Variants in BEST3 observed in about 807,000 individuals in gnomAD.
BEST3 encodes bestrophin 3.
Under a neutral mutation model 47.1 loss-of-function variants are expected in BEST3, and 50 were observed. That is an observed-to-expected ratio of 1.06 (90% CI 0.85 to 1.34). BEST3 has a LOEUF of 1.34. Among genes scored for constraint, BEST3 ranks in the 40% most tolerant of loss-of-function variants. The pLI, the probability that BEST3 is intolerant of heterozygous loss-of-function variation, is 0.00. For missense variants in BEST3, 765 were observed against 817.0 expected (o/e 0.94, Z 0.78); for synonymous variants, 282 against 298.8 (o/e 0.94, Z 0.58).
At chr12:69,697,939 C>A in intron 1 of BEST3, 126 bp from the exon 2 acceptor site, 1 of 712,360 alleles carries the variant, frequency 1.4e-6, no homozygotes. Flanking sequence ...TTTTGTCTTT[C>A]TTAGTTTCTA....
chr12:69,664,167 C>T (rs915428503), intron 9 of BEST3, among the ~76,000 whole-genome samples: 14 of 152,128 alleles, frequency 9.2e-5, no homozygotes, highest in Non-Finnish European at 2.1e-4. Flanking sequence ...TAACATGCCC[C>T]ATGCAAAGAT....
intron 1 of BEST3, among the ~76,000 whole-genome samples, chr12:69,698,055 T>TA (rs760439694): frequency 6.6e-6 from 1 of 152,220 alleles, no homozygotes; most frequent in Non-Finnish European, 1.5e-5. Context: ...CCTTAACTGT[T>TA]AAATATTATT....
intron 9 of BEST3, among the ~76,000 whole-genome samples, chr12:69,659,176 A>T (rs1883714925): frequency 2.0e-5 from 3 of 152,168 alleles, no homozygotes; most frequent in Admixed American, 2.0e-4. Context: ...ATGCTGTAAC[A>T]GAGCAGTAGG....
chr12:69,677,302 G>T, intron 5 of BEST3, 45 bp from the exon 6 acceptor site: 1 of 1,512,046 alleles, frequency 6.6e-7, no homozygotes, highest in Non-Finnish European at 9.1e-7. Flanking sequence ...GATGACGGGT[G>T]TGGTAATAAG....
At chr12:69,649,930 A>G (rs1211181244), downstream of BEST3, among the ~76,000 whole-genome samples, 1 of 152,244 alleles carries the variant, frequency 6.6e-6, no homozygotes, top group Non-Finnish European at 1.5e-5. Context: ...TGCTTCTGGC[A>G]AATGTCTAAA....
At chr12:69,657,554 C>T (rs1758225218) in intron 9 of BEST3, among the ~76,000 whole-genome samples, 1 of 152,174 alleles carries the variant, frequency 6.6e-6, no homozygotes, top group African/African-American at 2.4e-5. Context: ...TGAAGAACAA[C>T]TTAAAGCCTT....
At chr12:69,671,969 C>T (rs1312354558) in intron 8 of BEST3, among the ~76,000 whole-genome samples, 2 of 152,232 alleles carry the variant, frequency 1.3e-5, no homozygotes, top group Admixed American at 1.3e-4. Context: ...TTCCGCTTTT[C>T]ATTCTGTTAA....
chr12:69,693,194 A>G (rs928123149), intron 4 of BEST3, among the ~76,000 whole-genome samples: 2 of 150,984 alleles, frequency 1.3e-5, no homozygotes, highest in African/African-American at 4.9e-5. Context: ...ATAGTAGGTA[A>G]TCAATAAATG....
Position 69,655,573 on chromosome 12 carries a change from T to A in BEST3, c.1341A>T (p.Ser447=), listed in dbSNP as rs1194788024. The A allele has an allele frequency of 6.2e-7, 1 of 1,613,930 alleles. No individual in the cohort carries two copies. Among genetic ancestry groups the A allele is most frequent in the South Asian group, 1.1e-5 (1 of 91,044 alleles). ...GGAAGCAGGATTTCTTCCAGGTGGG[T>A]GAGGCCCTGGGGGGGTTTCTTGAGG... ...DVPSRNPPRA[S]PTWKKSCFPE... The change falls in exon 10 of 10, where the codon TCA becomes TCT. Residue 447 remains serine (S), a synonymous_variant. Transcript: ENST00000330891.
chr12:69,678,216 T>C (rs1384216757), intron 5 of BEST3, among the ~76,000 whole-genome samples: 1 of 122,546 alleles, frequency 8.2e-6, no homozygotes, highest in Non-Finnish European at 1.7e-5. Context: ...ATGGCACAAA[T>C]ATACCCAGCC....
In BEST3 at chr12:69,671,461, A is replaced by G; in HGVS notation, c.1067T>C (p.Ile356Thr). 1 of 1,614,082 alleles carries G rather than the reference A, an allele frequency of 6.2e-7. No homozygotes were observed. The highest frequency in any genetic ancestry group is 8.5e-7 in the Non-Finnish European group (1 of 1,179,988). The change falls in exon 9 of 10, where the codon ATA becomes ACA. Residue 356 changes from isoleucine to threonine, a missense_variant. By Grantham distance (89) the Ile-to-Thr change is moderately conservative. Transcript: ENST00000330891. ...PYTLAAADYCIPSFLGSTVQM... is the reference protein window; with the variant it reads ...PYTLAAADYCTPSFLGSTVQM... Reference sequence around the variant, plus strand: ...GACTGTTGACCCCAGAAATGAGGGTATGCAGTAGTCAGCAGCTGCCAATGT... The same window carrying G: ...GACTGTTGACCCCAGAAATGAGGGTGTGCAGTAGTCAGCAGCTGCCAATGT...
intron 4 of BEST3, among the ~76,000 whole-genome samples, chr12:69,686,926 C>A (rs768113264): frequency 1.3e-5 from 2 of 152,094 alleles, no homozygotes; most frequent in Non-Finnish European, 2.9e-5. Context: ...TGATTAACTG[C>A]CCAGCTGACT....
chr12:69,646,582 T>TCCACTGTA (rs1300990459), intron 9 of BEST3, among the ~76,000 whole-genome samples: 1 of 152,170 alleles, frequency 6.6e-6, no homozygotes, highest in Non-Finnish European at 1.5e-5. Context: ...ATGTCTCATT[T>TCCACTGTA]CCACTGTACC....
At chr12:69,675,294 A>AT (rs945063071) in intron 7 of BEST3, among the ~76,000 whole-genome samples, 16 of 150,682 alleles carry the variant, frequency 1.1e-4, no homozygotes, top group African/African-American at 1.5e-4. Flanking sequence ...AATATTTTGT[A>AT]TTTTTTTTGT....
Position 69,697,670 on chromosome 12 carries a change from A to C in BEST3, c.129T>G (p.Tyr43Ter), listed in dbSNP as rs752015452. 1.2e-6 allele frequency: 2 copies of C among 1,606,864 alleles called. No homozygotes were observed. The highest frequency in any genetic ancestry group is 2.2e-5 in the South Asian group (2 of 89,490). Residue 43 changes from tyrosine (Y) to a stop codon, truncating the protein, a stop_gained, in exon 2 of 10, where the codon TAT (tyrosine) becomes TAG (stop). Transcript: ENST00000330891. LOFTEE classifies it high-confidence loss of function. ...ACCTGTATACCAAACTTATTGCTGT[A>C]TAAAGAACAGCAAAAACAATAAATT... is the stretch of plus-strand genomic sequence containing the variant. ...YREFIVFAVL[Y>*]TAISLVYRLL...
chr12:69,680,820 A>G (rs1360838706), intron 4 of BEST3, among the ~76,000 whole-genome samples: 1 of 152,250 alleles, frequency 6.6e-6, no homozygotes, highest in Middle Eastern at 3.4e-3. Context: ...ATGATTTTAT[A>G]CTACATATGT....
downstream of BEST3, among the ~76,000 whole-genome samples, chr12:69,649,818 G>A (rs1402421082): frequency 2.0e-5 from 3 of 152,182 alleles, no homozygotes; most frequent in East Asian, 3.8e-4. Context: ...AGAGCCACTG[G>A]CCTAGACAAA....
rs114335267 is a variant in BEST3, at chr12:69,679,514, A to G, written c.482-621T>C. Among the ~76,000 whole-genome samples, 634 of 152,314 alleles carry G rather than the reference A, an allele frequency of 4.2e-3. 3 individuals are homozygous for G. Among genetic ancestry groups the G allele is most frequent in the African/African-American group, 0.015 (603 of 41,568 alleles). On this transcript the variant is annotated intron_variant, in intron 4 of 9. Transcript: ENST00000330891. ...CCTTACTATGACCCTTTTGAAGGGC[A>G]AAGAGTATATTAATGTTCATCGTCC...
chr12:69,650,111 T>C (rs1355595497), downstream of BEST3, among the ~76,000 whole-genome samples: 1 of 152,220 alleles, frequency 6.6e-6, no homozygotes, highest in Non-Finnish European at 1.5e-5. Context: ...TTTGGGTCTC[T>C]ATTTTACAGG....
Sources: allele counts gnomAD v4.1 joint callset (sites outside exome capture counted in the v4.1 genomes callset), GRCh38; gene constraint gnomAD v4.1.1; transcripts MANE v1.5; gene names NCBI Gene and HGNC (gene_info 2026-07-23, HGNC 2026-07-21).